Variants in JAK2 observed in about 807,000 individuals in gnomAD.
The protein encoded by JAK2 is tyrosine-protein kinase JAK2.
JAK2 carries 86 observed loss-of-function variants against 139.3 expected under a neutral mutation model. The ratio of observed to expected loss-of-function variants is 0.62; its 90% confidence interval spans 0.52 to 0.74. JAK2 has a LOEUF of 0.74. JAK2 is among the 30% of genes least tolerant of loss of function. The pLI is 0.00. For synonymous variants in JAK2, 490 were observed against 437.7 expected (o/e 1.12, Z -1.49); for missense variants, 1,421 against 1,360.3 (o/e 1.04, Z -0.70).
chr9:5,093,437 G>A lies in JAK2; in HGVS notation c.3059+2526G>A, dbSNP rs144489122. Among the ~76,000 whole-genome samples, 4 of 152,230 alleles carry A rather than the reference G, an allele frequency of 2.6e-5. No homozygotes were observed. In the East Asian group the frequency reaches 7.7e-4, roughly 29 times the overall value. On this transcript the variant is annotated intron_variant, in intron 22 of 24. Transcript: ENST00000381652. ...AGAAGAATGGCCACATGAGGGTTCA[G>A]CTGTCATGAGGGTTCAGCTGTCTCT...
intron 23 of JAK2, among the ~76,000 whole-genome samples, chr9:5,125,137 TACTC>T (rs1823890142): frequency 2.6e-5 from 4 of 151,410 alleles, no homozygotes; most frequent in African/African-American, 9.6e-5. Context: ...CTAATGCAAT[TACTC>T]AGAGAAGACC....
At chr9:5,110,379 A>G (rs560742314) in intron 22 of JAK2, 1 of 152,266 alleles carries the variant, frequency 6.6e-6, no homozygotes, top group African/African-American at 2.4e-5. Context: ...AGCATTCTCC[A>G]CCTCAAGTCA....
In JAK2 at chr9:5,081,762, T is replaced by C. The variant is rs1421463264; in HGVS notation, c.2472T>C (p.Asn824=). The change falls in exon 19 of 25, where the codon AAT becomes AAC. Residue 824 remains asparagine, a synonymous_variant. Transcript: ENST00000381652. ...TAACAGAAAATGACATGTTACCAAA[T>C]ATGAGGATAGGTGCCCTGGGGTTTT... ...ELLTENDMLP[N]MRIGALGFSG... is the part of the protein sequence containing the mutation. The C allele has an allele frequency of 1.1e-5, 18 of 1,601,470 alleles. No homozygotes were observed. Among genetic ancestry groups the C allele is most frequent in the African/African-American group, 8.1e-5 (6 of 74,444 alleles).
intron 2 of JAK2, among the ~76,000 whole-genome samples, chr9:5,021,269 T>A (rs755039171): frequency 2.0e-5 from 3 of 152,164 alleles, no homozygotes; most frequent in Admixed American, 1.3e-4. Context: ...GATTATCTAC[T>A]CGCTATTTTG....
rs777259241 is a variant in JAK2, at chr9:5,090,890, C to G, written c.3038C>G (p.Pro1013Arg). The G allele has an allele frequency of 6.2e-7, 1 of 1,604,628 alleles. No homozygotes were observed. Among genetic ancestry groups the G allele is most frequent in the South Asian group, 1.1e-5 (1 of 89,006 alleles). ...AAAGAATACTATAAAGTAAAAGAAC[C>G]TGGTGAAAGTCCCATATTCTGGTGA... Reference protein sequence around the residue: ...QDKEYYKVKEPGESPIFWYAP... With the variant: ...QDKEYYKVKERGESPIFWYAP... Residue 1013 changes from proline to arginine, a missense_variant, in exon 22 of 25, where the codon CCT (proline) becomes CGT (arginine). Coordinates refer to ENST00000381652, the MANE Select transcript of JAK2 (RefSeq NM_004972.4).
chr9:5,092,463 C>T (rs1563996547), intron 22 of JAK2, among the ~76,000 whole-genome samples: 1 of 152,156 alleles, frequency 6.6e-6, no homozygotes, highest in Non-Finnish European at 1.5e-5. Flanking sequence ...TCATCACAAC[C>T]TGGTCACTTT....
intron 4 of JAK2, chr9:5,041,580 C>A: frequency 2.0e-6 from 1 of 504,824 alleles, no homozygotes; most frequent in Admixed American, 2.4e-5. Flanking sequence ...GCACTACGTG[C>A]GGCGCCTGGA....
chr9:5,113,949 C>G (rs1237339208), intron 22 of JAK2: 6 of 261,282 alleles, frequency 2.3e-5, no homozygotes, highest in African/African-American at 1.4e-4. Context: ...TGTGCCTCAT[C>G]TCTGGGTACA....
intron 19 of JAK2, among the ~76,000 whole-genome samples, chr9:5,086,733 A>C (rs990428657): frequency 6.6e-6 from 1 of 152,238 alleles, no homozygotes; most frequent in African/African-American, 2.4e-5. Context: ...ATAACTTTAT[A>C]GCCTTTGGCT....
chr9:5,082,117 G>C (rs1447079882), intron 19 of JAK2, among the ~76,000 whole-genome samples: 1 of 149,706 alleles, frequency 6.7e-6, no homozygotes, highest in African/African-American at 2.6e-5. Flanking sequence ...AAGACACAGA[G>C]ACAAAAGTAT....
At chr9:5,049,502 C>T (rs932650080) in intron 5 of JAK2, among the ~76,000 whole-genome samples, 2 of 152,184 alleles carry the variant, frequency 1.3e-5, no homozygotes, top group African/African-American at 4.8e-5. Context: ...AGTTTCAAAT[C>T]TTCCATGAAA....
In JAK2 at chr9:5,080,595, C is replaced by T. The variant is rs778634399; in HGVS notation, c.2346C>T (p.Asn782=). The change falls in exon 18 of 25, where the codon AAC becomes AAT. Residue 782 remains asparagine (N), a synonymous_variant. Coordinates refer to ENST00000381652, the MANE Select transcript of JAK2 (RefSeq NM_004972.4). ...LPAPKWAELA[N]LINNCMDYEP... ...CACCAAAGTGGGCAGAATTAGCAAA[C>T]CTTATAAATAATTGTATGGATTATG... is the stretch of plus-strand genomic sequence containing the variant. 7 of 1,607,816 alleles carry T rather than the reference C, an allele frequency of 4.4e-6. No homozygotes were observed. The South Asian group carries it at 6.7e-5, about 15-fold the overall frequency.
chr9:5,014,093 A>C (rs1241319966), intron 2 of JAK2, among the ~76,000 whole-genome samples: 1 of 151,316 alleles, frequency 6.6e-6, no homozygotes, highest in Non-Finnish European at 1.5e-5. Context: ...AAAATGTGAT[A>C]TTTGAGGTAC....
chr9:5,013,494 A>T (rs919278784), intron 2 of JAK2, among the ~76,000 whole-genome samples: 1 of 152,196 alleles, frequency 6.6e-6, no homozygotes, highest in Admixed American at 6.5e-5. Context: ...GCCTTTTGGG[A>T]CATTTCTGTG....
At chr9:5,001,595 T>C (rs961028616) in intron 2 of JAK2, among the ~76,000 whole-genome samples, 1 of 152,024 alleles carries the variant, frequency 6.6e-6, no homozygotes, top group African/African-American at 2.4e-5. Context: ...TCTATTATTT[T>C]GTTATGTTCA....
At chr9:5,041,616 A>G (rs915723125) in intron 4 of JAK2, 3 of 496,036 alleles carry the variant, frequency 6.0e-6, no homozygotes, top group Admixed American at 4.8e-5. Context: ...CTGTGACTAC[A>G]TGCGGCGCCT....
intron 4 of JAK2, among the ~76,000 whole-genome samples, chr9:5,031,347 A>T (rs1278005749): frequency 6.6e-6 from 1 of 152,240 alleles, no homozygotes; most frequent in African/African-American, 2.4e-5. Flanking sequence ...TTAAAGCCAC[A>T]TAATTAAATT....
chr9:5,129,590 C>CCAAA lies in JAK2; in HGVS notation c.*2804_*2807dup, dbSNP rs1222606325. On this transcript the variant is annotated 3_prime_UTR_variant, in exon 25 of 25. Transcript: ENST00000381652. ...AGTAACAGTAAGTCAGCAGGATTAT[C>CCAAA]CAAACAAAAGACTAGGTTTTATGAG... 6.6e-6 allele frequency among the ~76,000 whole-genome samples: 1 copy of CCAAA among 151,904 alleles called. No homozygotes were observed. The highest frequency in any genetic ancestry group is 1.9e-4 in the East Asian group (1 of 5,188).
chr9:5,014,853 A>C (rs1435124942), intron 2 of JAK2, among the ~76,000 whole-genome samples: 1 of 151,592 alleles, frequency 6.6e-6, no homozygotes, highest in Non-Finnish European at 1.5e-5. Flanking sequence ...CTCCCTAGCT[A>C]TTCTCCTGTC....
Sources: gnomAD v4.1 joint callset for allele counts (sites outside exome capture counted in the v4.1 genomes callset) on GRCh38, gnomAD v4.1.1 for gene constraint, MANE v1.5 for transcripts, NCBI Gene and HGNC (gene_info 2026-07-23, HGNC 2026-07-21) for gene names.